FRYL: variants seen among roughly 807,000 people sequenced by gnomAD.
FRYL encodes the protein protein furry homolog-like.
FRYL carries 150 observed loss-of-function variants against 351.2 expected under a neutral mutation model. That is an observed-to-expected ratio of 0.43 (90% confidence interval 0.37 to 0.49). The LOEUF (loss-of-function observed/expected upper bound fraction) is 0.49. Among genes scored for constraint, FRYL ranks in the 20% least tolerant of loss-of-function variants. FRYL has a pLI of 0.00. For synonymous variants in FRYL, 1,153 were observed against 1,257.1 expected, an observed-to-expected ratio of 0.92 and a Z score of 1.75; for missense variants, 3,036 against 3,619.3, an observed-to-expected ratio of 0.84 and a Z score of 4.13.
At chr4:48,506,738 C>T (rs1396301232) in intron 59 of FRYL, 8 of 145,084 alleles carry the variant, frequency 5.5e-5, no homozygotes, top group Admixed American at 7.0e-5. Flanking sequence ...TTTTAGTATT[C>T]GACATTTAAC....
chr4:48,655,022 T>A (rs1758534417), intron 3 of FRYL, among the ~76,000 whole-genome samples: 1 of 152,182 alleles, frequency 6.6e-6, no homozygotes, highest in African/African-American at 2.4e-5. Context: ...AATAAGGAAA[T>A]GCAGTGATCA....
chr4:48,520,572 C>G (rs554014313), intron 55 of FRYL: 1 of 152,282 alleles, frequency 6.6e-6, no homozygotes, highest in African/African-American at 2.4e-5. Context: ...TTCTCACAGG[C>G]CTTTCCAAAA....
chr4:48,703,555 T>C (rs1481477771), intron 2 of FRYL, among the ~76,000 whole-genome samples: 4 of 152,218 alleles, frequency 2.6e-5, no homozygotes, highest in Non-Finnish European at 1.5e-5. Flanking sequence ...CTCAGGATCC[T>C]TTTACACACT....
chr4:48,525,497 T>C (rs961369511), intron 53 of FRYL, among the ~76,000 whole-genome samples: 1 of 152,190 alleles, frequency 6.6e-6, no homozygotes, highest in Admixed American at 6.5e-5. Flanking sequence ...TGGTCTTCCA[T>C]GGACAATGAA....
intron 3 of FRYL, among the ~76,000 whole-genome samples, chr4:48,671,036 T>C (rs1762573184): frequency 6.6e-6 from 1 of 152,204 alleles, no homozygotes. Flanking sequence ...CAGTTCTCCA[T>C]AGTGGTTGTA....
intron 2 of FRYL, among the ~76,000 whole-genome samples, chr4:48,702,605 T>C (rs1316605164): frequency 7.1e-6 from 1 of 140,470 alleles, no homozygotes. Flanking sequence ...CTACTAAAAA[T>C]ACAAAAAATT....
At chr4:48,650,325 A>C (rs995961007) in intron 3 of FRYL, among the ~76,000 whole-genome samples, 4 of 152,214 alleles carry the variant, frequency 2.6e-5, no homozygotes, top group African/African-American at 9.6e-5. Flanking sequence ...ACTTGTCTGC[A>C]CATTTACCAG....
At chr4:48,553,535 C>T (rs2149004363) in intron 35 of FRYL, 152 bp from the exon 36 acceptor site, 1 of 599,502 alleles carries the variant, frequency 1.7e-6, no homozygotes, top group African/African-American at 1.9e-5. Context: ...AACAATAAGA[C>T]ATTAATCAGC....
chr4:48,498,394 C>T lies in FRYL; in HGVS notation c.*1028G>A, dbSNP rs1427336427. 3 of 152,390 alleles carry T rather than the reference C, an allele frequency of 2.0e-5. No homozygotes were observed. In the East Asian group the frequency reaches 5.8e-4, roughly 29 times the overall value. The allele number at this position is 152,390 out of a possible 1,614,324, so 9.4% of individuals were successfully genotyped here. On this transcript the variant is annotated 3_prime_UTR_variant, in exon 64 of 64. Transcript: ENST00000358350. Reference sequence around the variant, plus strand: ...CACCTATTCTTGTATAACAACAGTGCATGGCACAAATGTACAAGAAAATAA... The same window carrying T: ...CACCTATTCTTGTATAACAACAGTGTATGGCACAAATGTACAAGAAAATAA...
intron 2 of FRYL, among the ~76,000 whole-genome samples, chr4:48,703,440 T>G (rs1475873987): frequency 2.0e-5 from 3 of 152,216 alleles, no homozygotes; most frequent in Non-Finnish European, 4.4e-5. Flanking sequence ...CAGAGTGATC[T>G]CTTTACAAAG....
intron 13 of FRYL, among the ~76,000 whole-genome samples, chr4:48,599,292 C>T (rs1745224837): frequency 6.6e-6 from 1 of 152,042 alleles, no homozygotes; most frequent in Non-Finnish European, 1.5e-5. Flanking sequence ...CACACAAGCA[C>T]CTAAATTGAT....
intron 49 of FRYL, among the ~76,000 whole-genome samples, chr4:48,533,368 G>C (rs1324199929): frequency 6.6e-6 from 1 of 151,880 alleles, no homozygotes; most frequent in East Asian, 1.9e-4. Flanking sequence ...TAAGACACAA[G>C]ATAAATAGGG....
intron 55 of FRYL, among the ~76,000 whole-genome samples, chr4:48,517,608 A>C (rs1723905220): frequency 6.6e-6 from 1 of 152,204 alleles, no homozygotes; most frequent in African/African-American, 2.4e-5. Context: ...GGTGGATTCC[A>C]AGCTATCATA....
Position 48,510,212 on chromosome 4 carries a change from C to T in FRYL, c.8296-55G>A, listed in dbSNP as rs1209611807. 8 of 1,292,864 alleles carry T rather than the reference C, an allele frequency of 6.2e-6. 1 individual carries two copies. The Middle Eastern group carries it at 5.4e-4, about 88-fold the overall frequency. The allele number at this position is 1,292,864 out of a possible 1,614,324, so 80.1% of individuals were successfully genotyped here. ...ACCATTTCTGATTGAAATCATGAGA[C>T]TCACAAAATCATGAGACTTTTCAGT... On this transcript the variant is annotated intron_variant, in intron 58 of 63. Coordinates refer to ENST00000358350, the MANE Select transcript of FRYL (RefSeq NM_015030.2).
At chr4:48,559,914 C>T (rs1560605570) in intron 33 of FRYL, among the ~76,000 whole-genome samples, 1 of 152,068 alleles carries the variant, frequency 6.6e-6, no homozygotes, top group East Asian at 1.9e-4. Flanking sequence ...AGACTGAAGA[C>T]TATTAGCCAG....
At chr4:48,638,681 A>C (rs1480650558) in intron 3 of FRYL, 1 of 152,224 alleles carries the variant, frequency 6.6e-6, no homozygotes, top group African/African-American at 2.4e-5. Flanking sequence ...GGCACTGTCC[A>C]CGATAGCAAA....
At chr4:48,636,573 TCTA>T (rs2149378982) in intron 3 of FRYL, among the ~76,000 whole-genome samples, 1 of 152,072 alleles carries the variant, frequency 6.6e-6, no homozygotes, top group East Asian at 1.9e-4. Context: ...TTTACTGTCT[TCTA>T]CTTTCTTAAA....
intron 11 of FRYL, among the ~76,000 whole-genome samples, chr4:48,605,348 T>C (rs1332889400): frequency 1.3e-5 from 2 of 152,178 alleles, no homozygotes; most frequent in African/African-American, 2.4e-5. Flanking sequence ...TATAAGCCCA[T>C]AGGTCACAAG....
chr4:48,559,044 T>C (rs1325724799), intron 33 of FRYL, among the ~76,000 whole-genome samples: 1 of 152,176 alleles, frequency 6.6e-6, no homozygotes, highest in Non-Finnish European at 1.5e-5. Context: ...TAGCCTGACC[T>C]AGGGCTAACC....
Sources: gnomAD v4.1 joint callset for allele counts (sites outside exome capture counted in the v4.1 genomes callset) on GRCh38, gnomAD v4.1.1 for gene constraint, MANE v1.5 for transcripts, NCBI Gene and HGNC (gene_info 2026-07-23, HGNC 2026-07-21) for gene names.